TACC1: variants seen among roughly 807,000 people sequenced by gnomAD.
The protein encoded by TACC1 is transforming acidic coiled-coil-containing protein 1.
In TACC1, 48 loss-of-function variants were observed where a neutral mutation model predicts 84.4. The observed-to-expected ratio is 0.57, with a 90% CI of 0.45 to 0.72. The LOEUF (loss-of-function observed/expected upper bound fraction) is 0.72. Ranked by LOEUF, TACC1 falls within the 30% of genes least tolerant of loss-of-function variation. The probability of loss-of-function intolerance (pLI) is 0.00; values close to 1 mark genes in which losing one functional copy is unlikely to be tolerated. For synonymous variants in TACC1, 372 were observed against 376.3 expected (o/e 0.99, Z 0.13); for missense variants, 920 against 973.0 (o/e 0.95, Z 0.72).
At chr8:38,839,044 G>A (rs1282669465) in intron 8 of TACC1, among the ~76,000 whole-genome samples, 2 of 151,978 alleles carry the variant, frequency 1.3e-5, no homozygotes, top group Non-Finnish European at 2.9e-5. Context: ...CCACAGGCAT[G>A]TGCCACCATG....
intron 2 of TACC1, among the ~76,000 whole-genome samples, chr8:38,794,074 A>C (rs1197258604): frequency 6.6e-6 from 1 of 152,142 alleles, no homozygotes; most frequent in Non-Finnish European, 1.5e-5. Context: ...CCCAGGGGAG[A>C]GCCTGATGTG....
At chr8:38,818,433 G>A (rs534195621) in intron 2 of TACC1, among the ~76,000 whole-genome samples, 1 of 152,144 alleles carries the variant, frequency 6.6e-6, no homozygotes, top group Admixed American at 6.5e-5. Flanking sequence ...TTGCTTTAAC[G>A]AAATTACCTC....
chr8:38,755,159 C>CAAAAAAAA (rs35992046), intron 3 of TACC1, among the ~76,000 whole-genome samples: 1 of 72,340 alleles, frequency 1.4e-5, no homozygotes, highest in Non-Finnish European at 2.7e-5. Context: ...GACTCCATCT[C>CAAAAAAAA]AAAAAAAAAA....
chr8:38,820,567 T>C lies in TACC1; in HGVS notation c.1323T>C (p.Cys441=). The change falls in exon 3 of 13, where the codon TGT becomes TGC. Residue 441 remains cysteine, a synonymous_variant. Coordinates refer to ENST00000317827, the MANE Select transcript of TACC1 (RefSeq NM_006283.3). ...PTTTLTSSDF[C]SPTGNHVNEI... ...CGACCTTAACAAGCAGTGACTTTTG[T>C]TCTCCCACTGGTAATCACGTTAATG... 1 of 1,613,976 alleles carries C rather than the reference T, an allele frequency of 6.2e-7. No individual in the cohort carries two copies. The highest frequency in any genetic ancestry group is 8.5e-7 in the Non-Finnish European group (1 of 1,180,038).
intron 3 of TACC1, among the ~76,000 whole-genome samples, chr8:38,782,015 C>CT (rs1199562818): frequency 8.7e-4 from 119 of 136,414 alleles, no homozygotes; most frequent in South Asian, 1.4e-3. Flanking sequence ...TTGCAGATTT[C>CT]TTTTTTTTTC....
At chr8:38,730,347 T>A (rs1385465724) in intron 1 of TACC1, among the ~76,000 whole-genome samples, 1 of 152,244 alleles carries the variant, frequency 6.6e-6, no homozygotes, top group African/African-American at 2.4e-5. Context: ...GAGCTGACAT[T>A]ACAACTCGGC....
upstream of TACC1, among the ~76,000 whole-genome samples, chr8:38,783,067 TATCTATCTATC>T: frequency 1.5e-5 from 1 of 64,594 alleles, no homozygotes; most frequent in East Asian, 5.7e-4. Context: ...GTAGTGTAAA[TATCTATCTATC>T]TATCTATCTA....
chr8:38,801,937 A>G (rs888734989), intron 2 of TACC1, among the ~76,000 whole-genome samples: 5 of 152,130 alleles, frequency 3.3e-5, no homozygotes, highest in Non-Finnish European at 7.4e-5. Context: ...TTTTTGAGAC[A>G]TGGTCTTGCT....
At chr8:38,738,488 T>A (rs1353805634) in intron 1 of TACC1, among the ~76,000 whole-genome samples, 1 of 152,182 alleles carries the variant, frequency 6.6e-6, no homozygotes, top group Non-Finnish European at 1.5e-5. Context: ...TAACTTATAT[T>A]TGTAGGGGCT....
At chr8:38,755,546 AAAAG>A (rs1809836537) in intron 3 of TACC1, among the ~76,000 whole-genome samples, 1 of 151,504 alleles carries the variant, frequency 6.6e-6, no homozygotes, top group Non-Finnish European at 1.5e-5. Flanking sequence ...CTACCAAAAA[AAAAG>A]AAAATTAGCT....
chr8:38,782,340 G>A (rs1816179995), upstream of TACC1, among the ~76,000 whole-genome samples: 2 of 152,132 alleles, frequency 1.3e-5, no homozygotes, highest in African/African-American at 4.8e-5. Flanking sequence ...TCCCTACAAA[G>A]GATATGAACT....
intron 2 of TACC1, among the ~76,000 whole-genome samples, chr8:38,815,796 G>A (rs1825305526): frequency 6.6e-6 from 1 of 151,978 alleles, no homozygotes; most frequent in Admixed American, 6.6e-5. Context: ...AGTGGGATTT[G>A]TGAGATTGAA....
intron 11 of TACC1, chr8:38,846,329 A>C (rs1172099597): frequency 6.6e-6 from 1 of 152,636 alleles, no homozygotes; most frequent in Admixed American, 6.7e-5. Context: ...TTCACATCTC[A>C]TTAATAAACT....
At chr8:38,846,174 T>A (rs1004379933) in intron 11 of TACC1, 2 of 148,212 alleles carry the variant, frequency 1.3e-5, no homozygotes, top group African/African-American at 5.0e-5. Context: ...TCCCAGCTAC[T>A]CGGAGAGGCT....
intron 2 of TACC1, among the ~76,000 whole-genome samples, chr8:38,744,588 T>C (rs1414637078): frequency 6.6e-6 from 1 of 152,128 alleles, no homozygotes; most frequent in Non-Finnish European, 1.5e-5. Context: ...AAGGGAGAAG[T>C]GATACTAGGA....
chr8:38,733,300 CCT>C (rs1805330725), intron 1 of TACC1, among the ~76,000 whole-genome samples: 1 of 149,138 alleles, frequency 6.7e-6, no homozygotes, highest in African/African-American at 2.5e-5. Context: ...CAGAATTGAT[CCT>C]CTTTTTTTTT....
At chr8:38,764,163 C>T (rs1439985779) in intron 3 of TACC1, among the ~76,000 whole-genome samples, 1 of 152,112 alleles carries the variant, frequency 6.6e-6, no homozygotes, top group African/African-American at 2.4e-5. Context: ...CTGCAACCTC[C>T]ACCTTCCTGG....
At chr8:38,794,722 C>G (rs4480085) in intron 2 of TACC1, among the ~76,000 whole-genome samples, 1 of 152,146 alleles carries the variant, frequency 6.6e-6, no homozygotes, top group African/African-American at 2.4e-5. Flanking sequence ...CCATTCAAGT[C>G]TACAAGTATA....
At chr8:38,841,458 T>C (rs1420444795) in intron 9 of TACC1, among the ~76,000 whole-genome samples, 1 of 152,224 alleles carries the variant, frequency 6.6e-6, no homozygotes, top group Non-Finnish European at 1.5e-5. Context: ...AGTATTGCTT[T>C]GTTCACTGTC....
Sources: gnomAD v4.1 joint callset for allele counts (sites outside exome capture counted in the v4.1 genomes callset) on GRCh38, gnomAD v4.1.1 for gene constraint, MANE v1.5 for transcripts, NCBI Gene and HGNC (gene_info 2026-07-23, HGNC 2026-07-21) for gene names.